Variants in DYNC2I1 observed in about 807,000 individuals in gnomAD.
DYNC2I1 encodes the protein dynein 2 intermediate chain 1, also known as cytoplasmic dynein 2 intermediate chain 1.
DYNC2I1 carries 89 observed loss-of-function variants against 133.4 expected under a neutral mutation model. The ratio of observed to expected loss-of-function variants is 0.67; its 90% CI spans 0.56 to 0.80. The LOEUF is 0.80. Among genes scored for constraint, DYNC2I1 ranks in the 30% least tolerant of loss-of-function variants. The pLI is 0.00. For missense variants in DYNC2I1, 1,291 were observed against 1,314.5 expected, an observed-to-expected ratio of 0.98 and a Z score of 0.28; for synonymous variants, 504 against 484.3, an observed-to-expected ratio of 1.04 and a Z score of -0.54.
chr7:158,957,855 CAG>C (rs1203114013), downstream of DYNC2I1, among the ~76,000 whole-genome samples: 1 of 152,230 alleles, frequency 6.6e-6, no homozygotes, highest in Admixed American at 6.5e-5. Flanking sequence ...GTATCAGACA[CAG>C]GGGACCCCTC....
Position 158,860,686 on chromosome 7 carries a change from C to T in DYNC2I1, c.15+3936C>T, listed in dbSNP as rs376195268. Among the ~76,000 whole-genome samples the T allele has an allele frequency of 1.3e-4, 20 of 150,338 alleles. No homozygotes were observed. The South Asian group carries it at 4.2e-3, about 31-fold the overall frequency. On this transcript the variant is annotated intron_variant, in intron 1 of 24. Coordinates refer to ENST00000407559, the MANE Select transcript of DYNC2I1 (RefSeq NM_018051.5). ...CTAAGTTTTTTTGTTACATACCAAACAATTGATAGGTAATGTGTGAGTTTA... is the reference window on the plus strand; with the variant it reads ...CTAAGTTTTTTTGTTACATACCAAATAATTGATAGGTAATGTGTGAGTTTA...
intron 4 of DYNC2I1, among the ~76,000 whole-genome samples, chr7:158,954,743 G>C (rs1296050857): frequency 6.6e-6 from 1 of 152,186 alleles, no homozygotes; most frequent in African/African-American, 2.4e-5. Context: ...AAAAATTATA[G>C]TCTCACCATC....
intron 14 of DYNC2I1, among the ~76,000 whole-genome samples, chr7:158,917,248 CGTT>C (rs957847993): frequency 9.9e-6 from 1 of 100,862 alleles, no homozygotes; most frequent in Non-Finnish European, 2.2e-5. Context: ...TTGACACGCT[CGTT>C]GACATTAAGG....
intron 14 of DYNC2I1, 117 bp downstream of exon 14, chr7:158,914,438 C>A: frequency 1.3e-6 from 1 of 752,114 alleles, no homozygotes; most frequent in Non-Finnish European, 2.1e-6. Flanking sequence ...AAATCAGAAT[C>A]AGTTATTCAT....
intron 1 of DYNC2I1, 73 bp downstream of exon 1, chr7:158,856,823 C>CCGAA: frequency 8.2e-7 from 1 of 1,222,412 alleles, no homozygotes. Context: ...CTAGCAGCGC[C>CCGAA]GCCGCCGCCC....
At chr7:158,880,664 T>G (rs1843908423) in intron 5 of DYNC2I1, among the ~76,000 whole-genome samples, 1 of 152,162 alleles carries the variant, frequency 6.6e-6, no homozygotes, top group African/African-American at 2.4e-5. Flanking sequence ...AGAATTGGTA[T>G]AAGTTTGCAA....
intron 8 of DYNC2I1, among the ~76,000 whole-genome samples, chr7:158,892,439 TTTTTA>T (rs1845318206): frequency 6.6e-6 from 1 of 152,070 alleles, no homozygotes; most frequent in Admixed American, 6.5e-5. Flanking sequence ...ACTTTATTAT[TTTTTA>T]TTTTATATTT....
chr7:158,847,428 C>G, the DYNC2I1 span, among the ~76,000 whole-genome samples: 7 of 151,930 alleles, frequency 4.6e-5, no homozygotes. Context: ...ATAGATTAAA[C>G]TAAATGGATA....
In DYNC2I1 at chr7:158,926,446, G is replaced by A. The variant is rs763670238; in HGVS notation, c.2416G>A (p.Gly806Arg). 70 of 1,613,306 alleles carry A rather than the reference G, an allele frequency of 4.3e-5. No individual in the cohort carries two copies. The South Asian group carries it at 6.5e-4, about 15-fold the overall frequency. Residue 806 changes from glycine to arginine, a missense_variant, in exon 19 of 25, where the codon GGG becomes AGG. Coordinates refer to ENST00000407559, the MANE Select transcript of DYNC2I1 (RefSeq NM_018051.5). ...CCACATCGCTTCCTTGGATGAGAGTGGGGTTCTCAATGTATGGGTGAGTAG... is the reference window on the plus strand; with the variant it reads ...CCACATCGCTTCCTTGGATGAGAGTAGGGTTCTCAATGTATGGGTGAGTAG... ...SFHIASLDESGVLNVWVVVEL... is the reference protein window; with the variant it reads ...SFHIASLDESRVLNVWVVVEL...
At chr7:158,932,022 C>T (rs1229339277) in intron 21 of DYNC2I1, among the ~76,000 whole-genome samples, 5 of 152,140 alleles carry the variant, frequency 3.3e-5, no homozygotes, top group African/African-American at 7.2e-5. Flanking sequence ...GCAGGTCCCA[C>T]GGCCAACTCC....
chr7:158,880,782 G>T (rs1274575429), intron 5 of DYNC2I1, among the ~76,000 whole-genome samples: 1 of 152,146 alleles, frequency 6.6e-6, no homozygotes, highest in Admixed American at 6.5e-5. Flanking sequence ...TTTCCTAGAG[G>T]TGTTTTAGCA....
At chr7:158,849,248 TTAAA>T in the DYNC2I1 span, among the ~76,000 whole-genome samples, 1 of 152,210 alleles carries the variant, frequency 6.6e-6, no homozygotes, top group Non-Finnish European at 1.5e-5. Flanking sequence ...TTTGAGATGT[TTAAA>T]TAAGTTTTAT....
upstream of DYNC2I1, among the ~76,000 whole-genome samples, chr7:158,853,122 C>T (rs1841092802): frequency 6.6e-6 from 1 of 152,212 alleles, no homozygotes; most frequent in African/African-American, 2.4e-5. Flanking sequence ...GCAGCCATGT[C>T]ACCCTGGCAA....
chr7:158,866,524 C>G (rs1020641110), intron 1 of DYNC2I1, among the ~76,000 whole-genome samples: 7 of 152,066 alleles, frequency 4.6e-5, no homozygotes, highest in African/African-American at 1.7e-4. Context: ...CACTCGTGTC[C>G]TGGGTTCCAT....
Position 158,930,498 on chromosome 7 carries a change from G to C in DYNC2I1, c.2529G>C (p.Leu843=). The change falls in exon 21 of 25, where the codon CTG becomes CTC. Residue 843 remains leucine (L), a synonymous_variant. Transcript: ENST00000407559. The part of the protein sequence containing the change: ...GGRVKLVHSA[L]IQLGDSLSHK... Reference sequence around the variant, plus strand: ...GGGTCAAGCTGGTACATAGTGCTCTGATCCAGTTGGGTGACAGGTAAGATG... The same window carrying C: ...GGGTCAAGCTGGTACATAGTGCTCTCATCCAGTTGGGTGACAGGTAAGATG... The C allele has an allele frequency of 6.2e-7, 1 of 1,612,966 alleles. No individual in the cohort carries two copies. The highest frequency in any genetic ancestry group is 8.5e-7 in the Non-Finnish European group (1 of 1,179,550).
At chr7:158,952,865 C>A (rs574482748) in intron 4 of DYNC2I1, among the ~76,000 whole-genome samples, 10 of 152,192 alleles carry the variant, frequency 6.6e-5, no homozygotes, top group Non-Finnish European at 7.3e-5. Context: ...CAGGACCCAC[C>A]GCACCTTCCA....
chr7:158,910,267 G>T (rs1847268091), intron 11 of DYNC2I1, among the ~76,000 whole-genome samples: 1 of 152,272 alleles, frequency 6.6e-6, no homozygotes, highest in Non-Finnish European at 1.5e-5. Flanking sequence ...TTCGGGGCCT[G>T]TGGGCAGAGG....
intron 1 of DYNC2I1, among the ~76,000 whole-genome samples, chr7:158,867,362 C>T (rs532363175): frequency 3.3e-5 from 5 of 152,272 alleles, no homozygotes; most frequent in African/African-American, 9.6e-5. Context: ...TAAGCACCTG[C>T]GTGTTCTGCA....
intron 19 of DYNC2I1, 89 bp downstream of exon 19, chr7:158,926,552 C>A: frequency 1.4e-6 from 2 of 1,413,896 alleles, no homozygotes; most frequent in South Asian, 1.2e-5. Context: ...GGGGCGGGAC[C>A]CAGTTAGCTG....
Sources: allele counts gnomAD v4.1 joint callset (sites outside exome capture counted in the v4.1 genomes callset), GRCh38; gene constraint gnomAD v4.1.1; transcripts MANE v1.5; gene names NCBI Gene and HGNC (gene_info 2026-07-23, HGNC 2026-07-21).